ITGA11: variants seen among roughly 807,000 people sequenced by gnomAD.
ITGA11 encodes the protein integrin alpha-11.
A neutral mutation model predicts 141.9 loss-of-function variants in ITGA11; 97 were observed. The observed-to-expected ratio is 0.68, with a 90% confidence interval of 0.58 to 0.81. The LOEUF (loss-of-function observed/expected upper bound fraction) is 0.81, where lower values mean the gene tolerates loss of function less well. Ranked by LOEUF, ITGA11 falls within the 30% of genes least tolerant of loss-of-function variation. The pLI is 0.00. For missense variants in ITGA11, 1,387 were observed against 1,559.2 expected (o/e 0.89, Z 1.86); for synonymous variants, 658 against 624.6 (o/e 1.05, Z -0.80).
At chr15:68,317,079 A>T (rs188415569) in intron 21 of ITGA11, among the ~76,000 whole-genome samples, 186 bp downstream of exon 21, 75 of 152,266 alleles carry the variant, frequency 4.9e-4, no homozygotes, top group Admixed American at 4.3e-3. Context: ...TAGCATGGGG[A>T]TGGCTGGCTC....
In ITGA11 at chr15:68,348,285, G is replaced by A. The variant is rs556379585; in HGVS notation, c.1131+545C>T. 5.3e-5 allele frequency among the ~76,000 whole-genome samples: 8 copies of A among 152,202 alleles called. No homozygotes were observed. In the South Asian group the frequency reaches 1.7e-3, roughly 32 times the overall value. ...ATCTGATGCAGCACCCACACAGTGG[G>A]GGGGGCCTATGAGTCACCTGCCAGA... On this transcript the variant is annotated intron_variant, in intron 10 of 29. Transcript: ENST00000315757.
chr15:68,341,141 T>C (rs965095814), intron 10 of ITGA11, among the ~76,000 whole-genome samples: 1 of 151,896 alleles, frequency 6.6e-6, no homozygotes, highest in Non-Finnish European at 1.5e-5. Flanking sequence ...AGAATGTTTT[T>C]ACAGCTATAA....
At chr15:68,369,113 C>A in intron 3 of ITGA11, 71 bp downstream of exon 3, 1 of 1,035,614 alleles carries the variant, frequency 9.7e-7, no homozygotes, top group South Asian at 1.3e-5. Flanking sequence ...TGGACATGGG[C>A]GTGCATCAGA....
intron 1 of ITGA11, among the ~76,000 whole-genome samples, chr15:68,406,502 A>C (rs1049246531): frequency 6.6e-6 from 1 of 151,936 alleles, no homozygotes; most frequent in African/African-American, 2.4e-5. Flanking sequence ...CAGTCTTAGA[A>C]TCTCTGTTTC....
chr15:68,402,988 C>G lies in ITGA11; in HGVS notation c.94G>C (p.Val32Leu), dbSNP rs1463124698. The part of the protein sequence containing the change: ...TFNMDTRKPR[V>L]IPGSRTAFFG... ...AAGGCGGTCCTGGAGCCAGGGATGA[C>G]CCGGGGCTTCCTGGTGTCCATGTTG... The change falls in exon 2 of 30, where the codon GTC becomes CTC. Residue 32 changes from valine (V) to leucine (L), a missense_variant. Transcript: ENST00000315757. The G allele has an allele frequency of 6.2e-7, 1 of 1,613,682 alleles. No homozygotes were observed. The highest frequency in any genetic ancestry group is 1.7e-5 in the Admixed American group (1 of 59,996).
chr15:68,407,355 C>T (rs1323472202), intron 1 of ITGA11, among the ~76,000 whole-genome samples: 4 of 152,130 alleles, frequency 2.6e-5, no homozygotes, highest in African/African-American at 7.2e-5. Flanking sequence ...GACCAGTTGG[C>T]GTTTGCTTCT....
chr15:68,331,706 C>T (rs1894161816), intron 14 of ITGA11, among the ~76,000 whole-genome samples, 153 bp downstream of exon 14: 1 of 151,866 alleles, frequency 6.6e-6, no homozygotes, highest in Non-Finnish European at 1.5e-5. Flanking sequence ...TCAAAATTTC[C>T]ACTTGGGGAA....
intron 20 of ITGA11, among the ~76,000 whole-genome samples, chr15:68,319,492 C>T (rs1362063879): frequency 1.3e-5 from 2 of 152,148 alleles, no homozygotes; most frequent in African/African-American, 4.8e-5. Flanking sequence ...CAAGGTGGCC[C>T]GTGGCACAGT....
chr15:68,410,970 C>T (rs1451790258), intron 1 of ITGA11, among the ~76,000 whole-genome samples: 1 of 152,192 alleles, frequency 6.6e-6, no homozygotes, highest in African/African-American at 2.4e-5. Context: ...TGCCCTCACC[C>T]TGGGAAGCCC....
chr15:68,401,615 T>C (rs551230700), intron 2 of ITGA11, among the ~76,000 whole-genome samples: 1 of 152,130 alleles, frequency 6.6e-6, no homozygotes, highest in Non-Finnish European at 1.5e-5. Context: ...TGAGCACCTA[T>C]TGCATGATTT....
chr15:68,361,563 T>G, intron 5 of ITGA11, 27 bp downstream of exon 5: 3 of 1,470,134 alleles, frequency 2.0e-6, no homozygotes, highest in Non-Finnish European at 2.8e-6. Flanking sequence ...CTGCTCAGCT[T>G]GAGGTTGCAG....
chr15:68,374,697 GA>G (rs1895684550), intron 2 of ITGA11, among the ~76,000 whole-genome samples: 1 of 152,188 alleles, frequency 6.6e-6, no homozygotes, highest in Non-Finnish European at 1.5e-5. Flanking sequence ...CTAGGGGAAG[GA>G]AGAAGGAACC....
chr15:68,298,739 T>A lies in ITGA11; in HGVS notation c.*4320A>T, dbSNP rs1339253966. On this transcript the variant is annotated 3_prime_UTR_variant, in exon 30 of 30. Coordinates refer to ENST00000315757, the MANE Select transcript of ITGA11 (RefSeq NM_001004439.2). ...TCCTCTAATTTTCCAAATAAAAAAA[T>A]TTTTTGACTCTGACTTGGGCCACCT... 1.3e-5 allele frequency: 2 copies of A among 152,156 alleles called. No homozygotes were observed. The highest frequency in any genetic ancestry group is 3.8e-4 in the East Asian group (2 of 5,202). The allele number at this position is 152,156 out of a possible 1,614,324, so 9.4% of individuals were successfully genotyped here.
chr15:68,314,982 AAG>A (rs887436870), intron 22 of ITGA11, among the ~76,000 whole-genome samples: 11 of 152,184 alleles, frequency 7.2e-5, no homozygotes, highest in African/African-American at 2.7e-4. Context: ...TTCTGCAAAA[AAG>A]AGAAGTGTAT....
intron 1 of ITGA11, among the ~76,000 whole-genome samples, chr15:68,425,734 C>A (rs1595902489): frequency 6.6e-6 from 1 of 152,350 alleles, no homozygotes; most frequent in East Asian, 1.9e-4. Flanking sequence ...CATGGCCTTC[C>A]TGAGGCCCAG....
chr15:68,418,579 C>G (rs972046440), intron 1 of ITGA11, among the ~76,000 whole-genome samples: 2 of 144,650 alleles, frequency 1.4e-5, no homozygotes, highest in Non-Finnish European at 3.0e-5. Flanking sequence ...CCCCCCACCC[C>G]CTTCCTGAGG....
intron 9 of ITGA11, among the ~76,000 whole-genome samples, chr15:68,349,569 A>AC (rs1894841279): frequency 6.6e-6 from 1 of 152,158 alleles, no homozygotes; most frequent in South Asian, 2.1e-4. Flanking sequence ...GCCCTTGTTT[A>AC]CGAGGGCCAT....
chr15:68,426,963 C>G (rs746479816), intron 1 of ITGA11, among the ~76,000 whole-genome samples: 1 of 139,848 alleles, frequency 7.2e-6, no homozygotes, highest in Non-Finnish European at 1.5e-5. Context: ...TGCAATGAGC[C>G]GAGATCATGC....
chr15:68,420,070 G>C lies in ITGA11; in HGVS notation c.52+11945C>G, dbSNP rs553937555. Among the ~76,000 whole-genome samples the C allele has an allele frequency of 9.9e-5, 15 of 152,180 alleles. No homozygotes were observed. The East Asian group carries it at 2.9e-3, about 29-fold the overall frequency. ...CAGATTCTGGCTTGGTGGTTCCCAG[G>C]GATTGGACTGTAATCTGGGGTCTAT... On this transcript the variant is annotated intron_variant, in intron 1 of 29. Transcript: ENST00000315757.
Sources: allele counts gnomAD v4.1 joint callset (sites outside exome capture counted in the v4.1 genomes callset), GRCh38; gene constraint gnomAD v4.1.1; transcripts MANE v1.5; gene names NCBI Gene and HGNC (gene_info 2026-07-23, HGNC 2026-07-21).